Variants in PCDHA4 observed in about 807,000 individuals in gnomAD.
PCDHA4 encodes the protein protocadherin alpha-4.
PCDHA4 carries 49 observed loss-of-function variants against 61.4 expected under a neutral mutation model. The observed-to-expected ratio is 0.80, with a 90% confidence interval of 0.63 to 1.01. The LOEUF is 1.01. PCDHA4 is among the 50% of genes least tolerant of loss of function. The pLI is 0.00. For synonymous variants in PCDHA4, 590 were observed against 550.3 expected (o/e 1.07, Z -1.01); for missense variants, 1,254 against 1,235.8 (o/e 1.01, Z -0.22).
intron 1 of PCDHA4, among the ~76,000 whole-genome samples, chr5:140,913,052 A>G (rs1554195709): frequency 6.6e-6 from 1 of 151,874 alleles, no homozygotes; most frequent in African/African-American, 2.4e-5. Context: ...CTGGAGTTTT[A>G]TTTTATTTTG....
intron 1 of PCDHA4, chr5:140,870,851 C>A: frequency 6.2e-7 from 1 of 1,613,838 alleles, no homozygotes; most frequent in Non-Finnish European, 8.5e-7. Flanking sequence ...GTACCGCGGT[C>A]GGTGGGTGCG....
At chr5:140,898,450 C>G (rs1276825221) in intron 1 of PCDHA4, among the ~76,000 whole-genome samples, 4 of 152,148 alleles carry the variant, frequency 2.6e-5, no homozygotes, top group Non-Finnish European at 4.4e-5. Flanking sequence ...ATAGGGAATC[C>G]TTTCCCCATT....
chr5:140,827,015 A>T (rs1554130692), intron 1 of PCDHA4, among the ~76,000 whole-genome samples: 1 of 152,218 alleles, frequency 6.6e-6, no homozygotes, highest in African/African-American at 2.4e-5. Context: ...ATGTCATTAA[A>T]AATATGAATT....
chr5:140,809,106 C>A lies in PCDHA4; in HGVS notation c.1919C>A (p.Thr640Lys), dbSNP rs540996422. ...AGCACAACGCGTGCCCTGGACGAAA[C>A]GGACGCTCCGCGCCACCGCCTACTG... ...EISTTRALDE[T>K]DAPRHRLLVL... Residue 640 changes from threonine (T) to lysine (K), a missense_variant, in exon 1 of 4, where the codon ACG (threonine) becomes AAG (lysine). Coordinates refer to ENST00000530339, the MANE Select transcript of PCDHA4 (RefSeq NM_018907.4). The A allele has an allele frequency of 6.2e-6, 10 of 1,613,832 alleles. No homozygotes were observed. In the African/African-American group the frequency reaches 1.3e-4, roughly 22 times the overall value.
intron 1 of PCDHA4, among the ~76,000 whole-genome samples, chr5:140,909,044 T>C (rs538559353): frequency 6.6e-6 from 1 of 152,336 alleles, no homozygotes; most frequent in South Asian, 2.1e-4. Context: ...TTCCATACTC[T>C]GGCATGCAAA....
chr5:140,884,019 C>G, intron 1 of PCDHA4: 1 of 1,613,216 alleles, frequency 6.2e-7, no homozygotes. Flanking sequence ...ATGCCGCGGT[C>G]GGTGGGTGCA....
intron 3 of PCDHA4, among the ~76,000 whole-genome samples, chr5:141,007,067 G>A (rs1352139121): frequency 1.3e-5 from 2 of 152,164 alleles, no homozygotes; most frequent in African/African-American, 4.8e-5. Flanking sequence ...AAAGGAGAGA[G>A]TGAAGAGAAA....
chr5:140,815,095 C>T (rs1032162122), intron 1 of PCDHA4: 1 of 152,032 alleles, frequency 6.6e-6, no homozygotes, highest in Non-Finnish European at 1.5e-5. Context: ...TAAAGCAAAT[C>T]TCTTGTAGTT....
chr5:140,863,239 T>C (rs1554158001), intron 1 of PCDHA4: 26 of 1,323,164 alleles, frequency 2.0e-5, no homozygotes, highest in African/African-American at 2.9e-5. Context: ...ATCGCGGGCT[T>C]TGGCGGGCGT....
chr5:140,836,501 G>A (rs1554136017), intron 1 of PCDHA4: 4 of 1,613,866 alleles, frequency 2.5e-6, no homozygotes, highest in Admixed American at 1.7e-5. Flanking sequence ...CCATCTGCGC[G>A]GTGTCCAGTC....
chr5:140,962,036 A>G (rs761594563), intron 1 of PCDHA4, among the ~76,000 whole-genome samples: 10 of 151,802 alleles, frequency 6.6e-5, no homozygotes, highest in Non-Finnish European at 1.2e-4. Flanking sequence ...GGCACCCACC[A>G]CCATGCCTGG....
chr5:140,882,666 T>G, intron 1 of PCDHA4: 1 of 1,614,160 alleles, frequency 6.2e-7, no homozygotes, highest in Non-Finnish European at 8.5e-7. Flanking sequence ...CCGCCCATAT[T>G]CCCTGAAAGC....
intron 1 of PCDHA4, among the ~76,000 whole-genome samples, chr5:140,935,903 T>TTC (rs1289164766): frequency 4.6e-4 from 69 of 151,456 alleles, no homozygotes; most frequent in African/African-American, 1.6e-3. Flanking sequence ...TCTTTTTTTT[T>TTC]TTTTTTTGAG....
intron 1 of PCDHA4, among the ~76,000 whole-genome samples, chr5:140,819,361 T>C (rs2150103983): frequency 9.2e-5 from 14 of 152,180 alleles, no homozygotes; most frequent in Non-Finnish European, 1.8e-4. Context: ...GATTAAATTT[T>C]CTTGTGTTAG....
intron 1 of PCDHA4, among the ~76,000 whole-genome samples, chr5:140,902,203 C>CTTT (rs148688132): frequency 4.8e-5 from 6 of 124,458 alleles, no homozygotes; most frequent in Non-Finnish European, 8.4e-5. Flanking sequence ...CTCTCTCTTT[C>CTTT]TTTTTTTTTT....
intron 1 of PCDHA4, chr5:140,867,665 T>C (rs2050092984): frequency 6.6e-6 from 1 of 152,154 alleles, no homozygotes; most frequent in Non-Finnish European, 1.5e-5. Context: ...CACTTTCTAC[T>C]CTAAAATTTT....
chr5:140,953,279 A>T (rs2153698724), intron 1 of PCDHA4, among the ~76,000 whole-genome samples: 1 of 152,188 alleles, frequency 6.6e-6, no homozygotes, highest in Non-Finnish European at 1.5e-5. Context: ...TTTGCTCTTT[A>T]TATGTGATTC....
chr5:140,883,564 G>C, intron 1 of PCDHA4: 1 of 1,614,174 alleles, frequency 6.2e-7, no homozygotes, highest in Non-Finnish European at 8.5e-7. Context: ...ACGGGGGCTC[G>C]CCTTCGCTGT....
In PCDHA4 at chr5:140,993,459, T is replaced by TTC. The variant is rs202191067; in HGVS notation, c.2533+10899_2533+10900dup. 1.1e-4 allele frequency among the ~76,000 whole-genome samples: 9 copies of TTC among 83,038 alleles called. No individual in the cohort carries two copies. The East Asian group carries it at 1.5e-3, about 13-fold the overall frequency. 54.5% of individuals were successfully genotyped at this position (83,038 alleles called of 152,430 possible). Reference sequence around the variant, plus strand: ...ATTCATTCCTGTTCTCCTTCTTTCTTTCTCACACACACACACACACACACA... The same window carrying TTC: ...ATTCATTCCTGTTCTCCTTCTTTCTTTCTCTCACACACACACACACACACACA... On this transcript the variant is annotated intron_variant, in intron 3 of 3. Coordinates refer to ENST00000530339, the MANE Select transcript of PCDHA4 (RefSeq NM_018907.4).
Sources: allele counts gnomAD v4.1 joint callset (sites outside exome capture counted in the v4.1 genomes callset), GRCh38; gene constraint gnomAD v4.1.1; transcripts MANE v1.5; gene names NCBI Gene and HGNC (gene_info 2026-07-23, HGNC 2026-07-21).